NEBL: variants seen among roughly 807,000 people sequenced by gnomAD.
NEBL encodes LIM and SH3 protein 2.
In NEBL, 122 loss-of-function variants were observed where a neutral mutation model predicts 140.2. That is an observed-to-expected ratio of 0.87 (90% CI 0.75 to 1.01). NEBL has a LOEUF of 1.01. Among genes scored for constraint, NEBL ranks in the 50% least tolerant of loss-of-function variants. NEBL has a pLI of 0.00. For missense variants in NEBL, 1,365 were observed against 1,231.3 expected (o/e 1.11, Z -1.62); for synonymous variants, 436 against 398.9 (o/e 1.09, Z -1.11).
At chr10:20,819,558 A>G (rs1808417409) in intron 19 of NEBL, 42 bp from the exon 20 acceptor site, 1 of 1,610,778 alleles carries the variant, frequency 6.2e-7, no homozygotes, top group Non-Finnish European at 8.5e-7. Flanking sequence ...TATGGGAAAT[A>G]AATACGTCCC....
intron 3 of NEBL, among the ~76,000 whole-genome samples, chr10:20,992,838 T>G (rs1328691969): frequency 7.6e-6 from 1 of 130,984 alleles, no homozygotes; most frequent in Non-Finnish European, 1.5e-5. Flanking sequence ...AGTGCAGTGG[T>G]GTGATCTCTG....
chr10:20,928,756 CTT>C (rs1342600348), intron 4 of NEBL, among the ~76,000 whole-genome samples: 14 of 152,332 alleles, frequency 9.2e-5, no homozygotes, highest in African/African-American at 3.1e-4. Flanking sequence ...ATCCCTCTCT[CTT>C]GTATCACCGG....
intron 1 of NEBL, among the ~76,000 whole-genome samples, chr10:21,286,084 C>G (rs750476339): frequency 2.6e-5 from 4 of 152,206 alleles, no homozygotes; most frequent in Non-Finnish European, 5.9e-5. Context: ...TTCTTCCTCA[C>G]TATGACCTTG....
intron 2 of NEBL, among the ~76,000 whole-genome samples, chr10:21,034,211 T>C (rs1377876645): frequency 1.8e-5 from 2 of 111,266 alleles, no homozygotes; most frequent in African/African-American, 6.5e-5. Context: ...AAACTAGAAA[T>C]ACCATATTAC....
intron 26 of NEBL, among the ~76,000 whole-genome samples, chr10:20,801,347 G>C (rs894598862): frequency 2.6e-5 from 4 of 151,858 alleles, no homozygotes; most frequent in Admixed American, 1.3e-4. Context: ...TGAGTAGCTG[G>C]GATTACAACC....
At chr10:20,982,605 T>G (rs1024874255) in intron 3 of NEBL, among the ~76,000 whole-genome samples, 6 of 152,186 alleles carry the variant, frequency 3.9e-5, no homozygotes, top group Non-Finnish European at 1.5e-5. Context: ...TTCTGGATTA[T>G]GCAAAATTCC....
Position 20,852,655 on chromosome 10 carries a change from A to G in NEBL, c.904-6T>C, listed in dbSNP as rs770512028. 6.3e-7 allele frequency: 1 copy of G among 1,590,042 alleles called. No homozygotes were observed. The highest frequency in any genetic ancestry group is 1.1e-5 in the South Asian group (1 of 90,556). Reference sequence around the variant, plus strand: ...AAGAGCTTTTTATATTCTCGCTAAAATACAGAATGGGGAAATCAACTTAGA... The same window carrying G: ...AAGAGCTTTTTATATTCTCGCTAAAGTACAGAATGGGGAAATCAACTTAGA... On this transcript the variant is annotated splice_polypyrimidine_tract_variant and splice_region_variant and intron_variant, in intron 9 of 27. Transcript: ENST00000377122.
At chr10:20,927,481 A>G (rs1833970030) in intron 4 of NEBL, among the ~76,000 whole-genome samples, 1 of 152,216 alleles carries the variant, frequency 6.6e-6, no homozygotes, top group Non-Finnish European at 1.5e-5. Flanking sequence ...CTGTTAGCCT[A>G]TGAGCTTAAG....
At chr10:20,898,973 C>T (rs569282799), upstream of NEBL, among the ~76,000 whole-genome samples, 1 of 152,250 alleles carries the variant, frequency 6.6e-6, no homozygotes, top group East Asian at 1.9e-4. Context: ...TATCACATAT[C>T]CTGTTCACCA....
At chr10:21,004,720 A>G (rs551228484) in intron 3 of NEBL, among the ~76,000 whole-genome samples, 15 of 150,332 alleles carry the variant, frequency 1.0e-4, no homozygotes, top group African/African-American at 3.2e-4. Flanking sequence ...ACTCATCTCA[A>G]AAAAAAAAAG....
At chr10:21,163,085 A>G (rs1840621048) in intron 2 of NEBL, among the ~76,000 whole-genome samples, 1 of 152,216 alleles carries the variant, frequency 6.6e-6, no homozygotes, top group South Asian at 2.1e-4. Context: ...GGCTTAGGTT[A>G]AGAAATTTGG....
At chr10:21,018,861 C>T (rs1339377288) in intron 3 of NEBL, among the ~76,000 whole-genome samples, 3 of 152,098 alleles carry the variant, frequency 2.0e-5, no homozygotes, top group Admixed American at 1.3e-4. Context: ...AACCCTGTCC[C>T]TACTAAAAAT....
intron 4 of NEBL, among the ~76,000 whole-genome samples, chr10:20,958,497 G>A (rs1036389410): frequency 2.6e-5 from 4 of 152,062 alleles, no homozygotes; most frequent in African/African-American, 9.7e-5. Context: ...TCAATTAAAC[G>A]ATTTGGCTCG....
chr10:20,860,677 C>T (rs114517968), intron 7 of NEBL, among the ~76,000 whole-genome samples: 68 of 147,896 alleles, frequency 4.6e-4, no homozygotes, highest in African/African-American at 1.6e-3. Flanking sequence ...CTGTTTTGTT[C>T]TCTCATAATA....
chr10:20,938,168 G>C (rs963868950), intron 4 of NEBL, among the ~76,000 whole-genome samples: 1 of 152,196 alleles, frequency 6.6e-6, no homozygotes, highest in Non-Finnish European at 1.5e-5. Context: ...CCCCCGAGTA[G>C]CCTAGCTGGG....
chr10:20,954,809 T>A (rs1366422107), intron 4 of NEBL, among the ~76,000 whole-genome samples: 1 of 152,008 alleles, frequency 6.6e-6, no homozygotes, highest in Non-Finnish European at 1.5e-5. Context: ...CCCCCTCCCA[T>A]CTGGCTGTCT....
chr10:20,820,323 C>A (rs572686840), intron 19 of NEBL, among the ~76,000 whole-genome samples: 6 of 152,278 alleles, frequency 3.9e-5, no homozygotes, highest in African/African-American at 1.4e-4. Flanking sequence ...CCCAACAATT[C>A]CACAACACCT....
At chr10:20,951,766 G>T (rs1334995976) in intron 4 of NEBL, among the ~76,000 whole-genome samples, 2 of 152,150 alleles carry the variant, frequency 1.3e-5, no homozygotes, top group African/African-American at 4.8e-5. Flanking sequence ...AAGAGTTCTG[G>T]TTTTTCTTTA....
intron 2 of NEBL, chr10:21,172,072 A>G: frequency 2.7e-6 from 1 of 377,052 alleles, no homozygotes; most frequent in Non-Finnish European, 5.0e-6. Context: ...CCTGACATGC[A>G]CTTCAGAGCC....
Sources: gnomAD v4.1 joint callset for allele counts (sites outside exome capture counted in the v4.1 genomes callset) on GRCh38, gnomAD v4.1.1 for gene constraint, MANE v1.5 for transcripts, NCBI Gene and HGNC (gene_info 2026-07-23, HGNC 2026-07-21) for gene names.